Variants in ZEB1 observed in about 807,000 individuals in gnomAD.
The protein encoded by ZEB1 is zinc finger E-box binding homeobox 1.
In ZEB1, 21 loss-of-function variants were observed where a neutral mutation model predicts 84.9. That is an observed-to-expected ratio of 0.25 (90% CI 0.18 to 0.36). The LOEUF (loss-of-function observed/expected upper bound fraction) is 0.36. Ranked by LOEUF, ZEB1 falls within the 10% of genes least tolerant of loss-of-function variation. ZEB1 has a pLI of 1.00. For synonymous variants in ZEB1, 420 were observed against 471.1 expected (o/e 0.89, Z 1.41); for missense variants, 1,104 against 1,330.2 (o/e 0.83, Z 2.65).
At chr10:31,513,897 A>T (rs1404335314) in intron 5 of ZEB1, among the ~76,000 whole-genome samples, 2 of 152,138 alleles carry the variant, frequency 1.3e-5, no homozygotes, top group Non-Finnish European at 2.9e-5. Context: ...TGAGGGGTTA[A>T]TGGGGATCCT....
At chr10:31,323,420 G>A (rs2034626532) in intron 1 of ZEB1, among the ~76,000 whole-genome samples, 1 of 152,026 alleles carries the variant, frequency 6.6e-6, no homozygotes, top group African/African-American at 2.4e-5. Context: ...GGATGGGTTG[G>A]CAGAGAGCTA....
At chr10:31,477,357 A>G (rs928388128) in intron 2 of ZEB1, among the ~76,000 whole-genome samples, 1 of 151,990 alleles carries the variant, frequency 6.6e-6, no homozygotes, top group African/African-American at 2.4e-5. Flanking sequence ...AAAGTTCTCT[A>G]CAGGAAGATT....
At chr10:31,451,338 G>A (rs1290094643) in intron 1 of ZEB1, among the ~76,000 whole-genome samples, 1 of 152,030 alleles carries the variant, frequency 6.6e-6, no homozygotes, top group East Asian at 1.9e-4. Context: ...TTTTCTCTAG[G>A]ATTAAGTAGG....
rs1326575887 is a variant in ZEB1, at chr10:31,319,226, G to A, written c.-9G>A. ...GTGACTCGAGCATTTAGACACAAGC[G>A]AGAGGATCATGGCGGATGGCCCCAG... On this transcript the variant is annotated 5_prime_UTR_variant, in exon 1 of 9. Transcript: ENST00000424869. The A allele has an allele frequency of 4.4e-6, 7 of 1,606,650 alleles. No homozygotes were observed. Among genetic ancestry groups the A allele is most frequent in the Admixed American group, 1.7e-5 (1 of 59,098 alleles).
At position 31,520,746 on chromosome 10, in the gene ZEB1, A is replaced by G; in HGVS notation, c.1414A>G (p.Thr472Ala). Residue 472 changes from threonine to alanine, a missense_variant, in exon 7 of 9, where the codon ACC becomes GCC. By Grantham distance (58) the Thr-to-Ala change is moderately conservative. This residue lies in a region of ZEB1 where 531 missense variants were observed against 575.2 expected (regional missense o/e 0.92). Transcript: ENST00000424869. This position sits in a 1 kb window ranked among gnomAD's most constrained non-coding sequence, Gnocchi z 5.1. ...TCCTTTGGTTGATCAAGATGGAACA[A>G]CCAAAATTATCATCAACTACAGTCT... ...SLPLVDQDGT[T>A]KIIINYSLEQ... is the part of the protein sequence containing the mutation. 1 of 1,614,068 alleles carries G rather than the reference A, an allele frequency of 6.2e-7. No homozygotes were observed. Among genetic ancestry groups the G allele is most frequent in the Non-Finnish European group, 8.5e-7 (1 of 1,179,988 alleles).
intron 1 of ZEB1, among the ~76,000 whole-genome samples, chr10:31,379,398 C>G (rs2047233990): frequency 6.6e-6 from 1 of 151,808 alleles, no homozygotes; most frequent in African/African-American, 2.4e-5. Context: ...TGAAACTTAA[C>G]CAATTCTCCT....
intron 3 of ZEB1, among the ~76,000 whole-genome samples, chr10:31,497,291 AT>A (rs1192933373): frequency 6.6e-6 from 1 of 152,120 alleles, no homozygotes; most frequent in Admixed American, 6.6e-5. Flanking sequence ...GGTTTACAGT[AT>A]TTTATCTGTC....
At chr10:31,425,481 A>G (rs2056808316) in intron 1 of ZEB1, among the ~76,000 whole-genome samples, 1 of 152,126 alleles carries the variant, frequency 6.6e-6, no homozygotes, top group South Asian at 2.1e-4. Context: ...ATCAGGCCTC[A>G]TAGACAACAA....
At chr10:31,518,144 A>G (rs2071520202) in intron 6 of ZEB1, among the ~76,000 whole-genome samples, 1 of 152,182 alleles carries the variant, frequency 6.6e-6, no homozygotes, top group African/African-American at 2.4e-5. Context: ...ATAGAGATGT[A>G]CTAGAGTATA....
At chr10:31,362,534 G>A (rs78276078) in intron 1 of ZEB1, among the ~76,000 whole-genome samples, 1 of 149,838 alleles carries the variant, frequency 6.7e-6, no homozygotes, top group South Asian at 2.1e-4. Context: ...GCAGGGCCTG[G>A]GCAGAGGCGC....
At chr10:31,320,783 T>C (rs2033758351) in intron 1 of ZEB1, 2 of 152,110 alleles carry the variant, frequency 1.3e-5, no homozygotes, top group Admixed American at 1.3e-4. Flanking sequence ...CTGCTGATTG[T>C]TATTGTCTGG....
intron 1 of ZEB1, among the ~76,000 whole-genome samples, chr10:31,337,672 A>G (rs1486780177): frequency 6.9e-6 from 1 of 144,510 alleles, no homozygotes; most frequent in African/African-American, 2.7e-5. Context: ...AAAGCTTAAT[A>G]ATTTCTTTCT....
intron 2 of ZEB1, among the ~76,000 whole-genome samples, chr10:31,472,613 G>A (rs1422653206): frequency 5.0e-5 from 6 of 119,148 alleles, no homozygotes; most frequent in East Asian, 4.9e-4. Flanking sequence ...ATTCACAGCC[G>A]AATTCTAACA....
At chr10:31,479,809 T>A (rs1268141212) in intron 2 of ZEB1, among the ~76,000 whole-genome samples, 1 of 152,006 alleles carries the variant, frequency 6.6e-6, no homozygotes, top group Non-Finnish European at 1.5e-5. Flanking sequence ...AGTATTTTAT[T>A]GTAAATATTA....
At chr10:31,424,358 T>A (rs911596097) in intron 1 of ZEB1, among the ~76,000 whole-genome samples, 1 of 151,990 alleles carries the variant, frequency 6.6e-6, no homozygotes, top group African/African-American at 2.4e-5. Context: ...CTTAGTAATA[T>A]GAGTGAAACT....
chr10:31,514,788 G>C, intron 6 of ZEB1, 80 bp downstream of exon 6: 1 of 1,155,558 alleles, frequency 8.7e-7, no homozygotes, highest in East Asian at 2.5e-5. Flanking sequence ...TGTAATCTAC[G>C]TACATGATCA....
At chr10:31,335,033 A>G (rs2037698903) in intron 1 of ZEB1, among the ~76,000 whole-genome samples, 2 of 152,138 alleles carry the variant, frequency 1.3e-5, no homozygotes, top group Non-Finnish European at 1.5e-5. Flanking sequence ...AGCTCTAAGT[A>G]TAAAAAATGA....
chr10:31,364,431 T>C (rs2044049201), intron 1 of ZEB1, among the ~76,000 whole-genome samples: 1 of 152,096 alleles, frequency 6.6e-6, no homozygotes, highest in African/African-American at 2.4e-5. Context: ...GGCCCTGTTT[T>C]GGCCGGCCCT....
intron 3 of ZEB1, among the ~76,000 whole-genome samples, chr10:31,496,553 C>T (rs767213537): frequency 4.5e-4 from 68 of 151,884 alleles, no homozygotes; most frequent in Non-Finnish European, 7.9e-4. Flanking sequence ...ATTGTGTTCC[C>T]TAAGAGAGCC....
Sources: allele counts gnomAD v4.1 joint callset (sites outside exome capture counted in the v4.1 genomes callset), GRCh38; gene constraint gnomAD v4.1.1; regional missense constraint gnomAD v4.1.1; non-coding constraint Gnocchi (gnomAD v3.1); transcripts MANE v1.5; gene names NCBI Gene and HGNC (gene_info 2026-07-23, HGNC 2026-07-21).